The following RTCB variants were observed in gnomAD, a reference collection of about 807,000 sequenced individuals.
RTCB encodes the protein RNA-splicing ligase RTCB.
A neutral mutation model predicts 58.2 loss-of-function variants in RTCB; 32 were observed. The ratio of observed to expected loss-of-function variants is 0.55; its 90% CI spans 0.41 to 0.74. The LOEUF (loss-of-function observed/expected upper bound fraction) is 0.74, where lower values mean the gene tolerates loss of function less well. Among genes scored for constraint, RTCB ranks in the 30% least tolerant of loss-of-function variants. The pLI, the probability that RTCB is intolerant of heterozygous loss-of-function variation, is 0.00. For synonymous variants in RTCB, 247 were observed against 218.6 expected (o/e 1.13, Z -1.15); for missense variants, 523 against 639.0 (o/e 0.82, Z 1.96).
intron 11 of RTCB, among the ~76,000 whole-genome samples, chr22:32,391,007 G>A (rs1403832269): frequency 6.6e-6 from 1 of 152,000 alleles, no homozygotes; most frequent in African/African-American, 2.4e-5. Flanking sequence ...GCTAATCTTT[G>A]GCCAAACTAA....
Position 32,389,432 on chromosome 22 carries a change from C to A in RTCB, c.1411-1333G>T, listed in dbSNP as rs894873927. Among the ~76,000 whole-genome samples, 3 of 152,208 alleles carry A rather than the reference C, an allele frequency of 2.0e-5. No individual in the cohort carries two copies. The South Asian group carries it at 6.2e-4, about 32-fold the overall frequency. ...TGTCACCCAAGGTTGAGTCCAGTGG[C>A]ACAATCATAGCTCACTGAGACTACA... On this transcript the variant is annotated intron_variant, in intron 11 of 11. Transcript: ENST00000216038.
rs117011074 is a variant in RTCB at position 32,389,110 on chromosome 22, A to T, written c.1411-1011T>A. On this transcript the variant is annotated intron_variant, in intron 11 of 11. Coordinates refer to ENST00000216038, the MANE Select transcript of RTCB (RefSeq NM_014306.5). ...ACTCCTAGTTTTGAATCTTGCAGTC[A>T]TTACATCGTACCACAAACTACCTTT... Among the ~76,000 whole-genome samples the T allele has an allele frequency of 9.6e-4, 146 of 152,236 alleles. 1 individual carries two copies. In the East Asian group the frequency reaches 0.027, roughly 28 times the overall value.
chr22:32,409,252 A>T (rs954900035), intron 1 of RTCB, among the ~76,000 whole-genome samples: 1 of 152,144 alleles, frequency 6.6e-6, no homozygotes, highest in East Asian at 1.9e-4. Context: ...CATAAAACGT[A>T]GTCATCTAAC....
intron 6 of RTCB, among the ~76,000 whole-genome samples, chr22:32,398,945 C>T (rs1434655915): frequency 6.6e-6 from 1 of 152,194 alleles, no homozygotes; most frequent in Non-Finnish European, 1.5e-5. Context: ...CCAGAGAAGA[C>T]AGTCTTGCCC....
chr22:32,391,606 G>A (rs1263928289), intron 11 of RTCB, among the ~76,000 whole-genome samples: 1 of 151,842 alleles, frequency 6.6e-6, no homozygotes, highest in East Asian at 1.9e-4. Flanking sequence ...GATCAGGCTG[G>A]TCTCAAACTC....
At chr22:32,392,154 C>CTT (rs1933163388) in intron 11 of RTCB, 86 bp downstream of exon 11, 3 of 1,372,758 alleles carry the variant, frequency 2.2e-6, no homozygotes, top group Non-Finnish European at 2.9e-6. Context: ...CTGTTAGTAA[C>CTT]ACCCTAAATT....
intron 1 of RTCB, among the ~76,000 whole-genome samples, chr22:32,411,641 GTTAT>G (rs1195972122): frequency 6.6e-6 from 1 of 152,176 alleles, no homozygotes; most frequent in Non-Finnish European, 1.5e-5. Flanking sequence ...GTTTGTAAAC[GTTAT>G]TTAAATAACC....
chr22:32,408,924 T>C (rs1197819979), intron 1 of RTCB, 91 bp from the exon 2 acceptor site: 4 of 889,456 alleles, frequency 4.5e-6, no homozygotes, highest in African/African-American at 3.3e-5. Flanking sequence ...ATATTTACTG[T>C]GCTTTACTCT....
At chr22:32,398,182 C>A in intron 6 of RTCB, 82 bp from the exon 7 acceptor site, 1 of 1,439,568 alleles carries the variant, frequency 6.9e-7, no homozygotes, top group Admixed American at 2.2e-5. Context: ...AAGATAAAAA[C>A]AAACTAACAA....
intron 10 of RTCB, among the ~76,000 whole-genome samples, chr22:32,393,228 G>A (rs571249479): frequency 6.6e-6 from 1 of 152,348 alleles, no homozygotes; most frequent in East Asian, 1.9e-4. Context: ...GAGCAACCAT[G>A]CCTGGCCTAA....
intron 4 of RTCB, among the ~76,000 whole-genome samples, chr22:32,406,083 A>G (rs1280806644): frequency 3.3e-5 from 5 of 152,164 alleles, no homozygotes; most frequent in African/African-American, 4.8e-5. Flanking sequence ...CTGATTTACA[A>G]AGATAAAAAA....
Position 32,408,798 on chromosome 22 carries a change from C to T in RTCB, c.129G>A (p.Glu43=). 2 of 1,614,050 alleles carry T rather than the reference C, an allele frequency of 1.2e-6. No individual in the cohort carries two copies. The highest frequency in any genetic ancestry group is 2.2e-5 in the South Asian group (2 of 91,080). The change falls in exon 2 of 12, where the codon GAG becomes GAA. Residue 43 remains glutamate, a synonymous_variant. Coordinates refer to ENST00000216038, the MANE Select transcript of RTCB (RefSeq NM_014306.5). ...TCCTTAATTCCTCAAACATCAATTT[C>T]TCCAGAGCATCATTCACATAGAAAA... ...EGVFYVNDAL[E]KLMFEELRNA... is the part of the protein sequence containing the mutation.
chr22:32,407,990 T>C, intron 3 of RTCB, 185 bp downstream of exon 3: 3 of 596,806 alleles, frequency 5.0e-6, no homozygotes, highest in South Asian at 4.5e-5. Flanking sequence ...CCTGGGCTCA[T>C]GCAATCCTTC....
At chr22:32,401,262 AT>A (rs796341631) in intron 5 of RTCB, among the ~76,000 whole-genome samples, 93 of 144,304 alleles carry the variant, frequency 6.4e-4, no homozygotes, top group Admixed American at 8.3e-4. Context: ...TGCCTAGTTA[AT>A]TTTTTTTTTT....
In RTCB at chr22:32,388,062, T is replaced by C; in HGVS notation, c.1448A>G (p.Asn483Ser). 2 of 1,613,976 alleles carry C rather than the reference T, an allele frequency of 1.2e-6. No homozygotes were observed. Among genetic ancestry groups the C allele is most frequent in the Non-Finnish European group, 1.7e-6 (2 of 1,179,836 alleles). Reference sequence around the variant, plus strand: ...GCTGATTCCAGCATCATGGCAGGTATTTACCACATCTGTCACATTCTTATA... The same window carrying C: ...GCTGATTCCAGCATCATGGCAGGTACTTACCACATCTGTCACATTCTTATA... The part of the protein sequence containing the change: ...ESYKNVTDVV[N>S]TCHDAGISKK... The change falls in exon 12 of 12, where the codon AAT becomes AGT. Residue 483 changes from asparagine (N) to serine (S), a missense_variant. Physicochemically the swap from Asn to Ser is conservative, Grantham distance 46. Coordinates refer to ENST00000216038, the MANE Select transcript of RTCB (RefSeq NM_014306.5).
intron 11 of RTCB, among the ~76,000 whole-genome samples, chr22:32,389,318 T>C (rs934469522): frequency 5.3e-5 from 8 of 152,168 alleles, no homozygotes; most frequent in African/African-American, 1.2e-4. Context: ...CTGAAAAAAA[T>C]AGAAGCAGCC....
At chr22:32,405,924 A>G (rs1933411010) in intron 4 of RTCB, among the ~76,000 whole-genome samples, 1 of 152,156 alleles carries the variant, frequency 6.6e-6, no homozygotes, top group Non-Finnish European at 1.5e-5. Flanking sequence ...CTGTATATTC[A>G]ATGTTATCAT....
At chr22:32,403,754 T>C (rs1933376882) in intron 4 of RTCB, among the ~76,000 whole-genome samples, 1 of 152,190 alleles carries the variant, frequency 6.6e-6, no homozygotes, top group African/African-American at 2.4e-5. Flanking sequence ...CCATTAAAAG[T>C]AATACAATAC....
intron 8 of RTCB, 118 bp from the exon 9 acceptor site, chr22:32,395,332 G>T: frequency 1.2e-6 from 1 of 813,656 alleles, no homozygotes; most frequent in Non-Finnish European, 1.9e-6. Context: ...AGATTTAAAA[G>T]TTCAAAAGTA....
Sources: allele counts gnomAD v4.1 joint callset (sites outside exome capture counted in the v4.1 genomes callset), GRCh38; gene constraint gnomAD v4.1.1; transcripts MANE v1.5; gene names NCBI Gene and HGNC (gene_info 2026-07-23, HGNC 2026-07-21).